Variants in DSCAM observed in about 807,000 individuals in gnomAD.
DSCAM encodes DS cell adhesion molecule.
DSCAM carries 47 observed loss-of-function variants against 217.7 expected under a neutral mutation model. The observed-to-expected ratio is 0.22, with a 90% CI of 0.17 to 0.28. DSCAM has a LOEUF of 0.28. Among genes scored for constraint, DSCAM ranks in the 10% least tolerant of loss-of-function variants. The probability of loss-of-function intolerance (pLI) is 1.00; values close to 1 mark genes in which losing one functional copy is unlikely to be tolerated. For synonymous variants in DSCAM, 1,056 were observed against 1,015.3 expected (o/e 1.04, Z -0.76); for missense variants, 2,080 against 2,618.3 (o/e 0.79, Z 4.49).
At chr21:40,658,786 A>G (rs1236566683) in intron 3 of DSCAM, among the ~76,000 whole-genome samples, 2 of 152,222 alleles carry the variant, frequency 1.3e-5, no homozygotes, top group African/African-American at 2.4e-5. Flanking sequence ...GAAAATGCCA[A>G]TCACAGAAAG....
intron 3 of DSCAM, among the ~76,000 whole-genome samples, chr21:40,485,237 C>CTTTTTTTTT (rs59901955): frequency 1.8e-5 from 2 of 108,188 alleles, no homozygotes; most frequent in Admixed American, 1.1e-4. Flanking sequence ...GACTTTCTTT[C>CTTTTTTTTT]TTTTTTTTTT....
At chr21:40,371,459 CCTT>C (rs1273926107) in intron 3 of DSCAM, among the ~76,000 whole-genome samples, 1 of 151,536 alleles carries the variant, frequency 6.6e-6, no homozygotes, top group African/African-American at 2.4e-5. Flanking sequence ...ATTCCTGTCA[CCTT>C]CTTAGCGTGG....
intron 6 of DSCAM, among the ~76,000 whole-genome samples, chr21:40,344,483 T>C (rs1040374450): frequency 1.3e-5 from 2 of 152,258 alleles, no homozygotes. Context: ...ATATCTTTAT[T>C]TTTCCTTAAT....
At chr21:40,769,007 G>A (rs1339054562) in intron 1 of DSCAM, among the ~76,000 whole-genome samples, 1 of 152,162 alleles carries the variant, frequency 6.6e-6, no homozygotes, top group Non-Finnish European at 1.5e-5. Flanking sequence ...GAAGTAGTAT[G>A]GTGACTAAAA....
chr21:40,222,857 G>A (rs1479921761), intron 11 of DSCAM, among the ~76,000 whole-genome samples: 1 of 152,144 alleles, frequency 6.6e-6, no homozygotes, highest in East Asian at 1.9e-4. Context: ...ATCTTGAGAA[G>A]TGTCCTTCTA....
intron 3 of DSCAM, among the ~76,000 whole-genome samples, chr21:40,554,296 A>T (rs756366454): frequency 6.6e-6 from 1 of 152,118 alleles, no homozygotes; most frequent in Non-Finnish European, 1.5e-5. Context: ...GCTTCTGCTA[A>T]GTCTTACTTA....
At chr21:40,383,014 G>C (rs1021288702) in intron 3 of DSCAM, 5 of 152,180 alleles carry the variant, frequency 3.3e-5, no homozygotes, top group Non-Finnish European at 7.3e-5. Flanking sequence ...ATACGTAAGC[G>C]CTGATGTAAA....
intron 1 of DSCAM, among the ~76,000 whole-genome samples, chr21:40,773,163 C>T (rs1447396380): frequency 6.6e-6 from 1 of 152,236 alleles, no homozygotes; most frequent in Non-Finnish European, 1.5e-5. Flanking sequence ...GTCCCTCGCA[C>T]GAGAACCCCC....
intron 3 of DSCAM, among the ~76,000 whole-genome samples, chr21:40,662,809 T>C (rs2090152627): frequency 2.6e-5 from 4 of 152,092 alleles, no homozygotes. Flanking sequence ...CCTGCGGGCA[T>C]CTTGATCTCA....
chr21:40,466,836 G>T (rs550016331), intron 3 of DSCAM, among the ~76,000 whole-genome samples: 3 of 152,202 alleles, frequency 2.0e-5, no homozygotes, highest in Admixed American at 2.0e-4. Flanking sequence ...GGCTTCTCCC[G>T]GACAAATACA....
chr21:40,737,200 A>G (rs1190649475), intron 1 of DSCAM, among the ~76,000 whole-genome samples: 2 of 152,258 alleles, frequency 1.3e-5, no homozygotes, highest in East Asian at 3.8e-4. Flanking sequence ...GTTATAAAAT[A>G]AAAGGCAGGC....
At chr21:40,836,872 G>A (rs1285403258) in intron 1 of DSCAM, among the ~76,000 whole-genome samples, 1 of 152,186 alleles carries the variant, frequency 6.6e-6, no homozygotes, top group Non-Finnish European at 1.5e-5. Flanking sequence ...AGTCACATGG[G>A]ATTAGAAACA....
chr21:40,403,629 GCACACACACACACA>G lies in DSCAM; in HGVS notation c.509-34398_509-34385del, dbSNP rs3069908. ...CATACATGTATGCAAGCATGCATGT[GCACACACACACACA>G]CACACACACACACACACACAATACA... On this transcript the variant is annotated intron_variant, in intron 3 of 32. Transcript: ENST00000400454. Among the ~76,000 whole-genome samples the G allele has an allele frequency of 5.2e-4, 76 of 145,892 alleles. 1 individual carries two copies. Among genetic ancestry groups the G allele is most frequent in the African/African-American group, 1.8e-3 (70 of 39,158 alleles).
chr21:40,021,171 A>C (rs1403115196), intron 32 of DSCAM, among the ~76,000 whole-genome samples: 1 of 140,760 alleles, frequency 7.1e-6, no homozygotes, highest in Non-Finnish European at 1.5e-5. Context: ...GAAACGTAGC[A>C]CTCTAACCTG....
At chr21:40,147,918 T>C (rs1227299926) in intron 16 of DSCAM, among the ~76,000 whole-genome samples, 1 of 152,186 alleles carries the variant, frequency 6.6e-6, no homozygotes, top group Non-Finnish European at 1.5e-5. Context: ...CTTCACAATA[T>C]AGTTTCTCTG....
intron 3 of DSCAM, among the ~76,000 whole-genome samples, chr21:40,451,303 C>T (rs2075717249): frequency 6.6e-6 from 1 of 152,192 alleles, no homozygotes; most frequent in African/African-American, 2.4e-5. Context: ...TGGCCCAGCT[C>T]CCCATGGCAC....
chr21:40,438,754 T>C (rs1452961407), intron 3 of DSCAM, among the ~76,000 whole-genome samples: 16 of 152,216 alleles, frequency 1.1e-4, no homozygotes, highest in Admixed American at 1.0e-3. Context: ...TGGCACCTTT[T>C]GAAAAACAGC....
intron 3 of DSCAM, among the ~76,000 whole-genome samples, chr21:40,395,943 G>A (rs1287940689): frequency 6.6e-6 from 1 of 152,116 alleles, no homozygotes; most frequent in East Asian, 1.9e-4. Context: ...AGTTCGGAAT[G>A]TCAAATCTGA....
intron 20 of DSCAM, among the ~76,000 whole-genome samples, chr21:40,097,756 G>A (rs932851723): frequency 5.3e-5 from 8 of 151,588 alleles, no homozygotes; most frequent in Non-Finnish European, 8.8e-5. Context: ...CCTAGCCAAC[G>A]TGGTGAAACC....
Sources: allele counts gnomAD v4.1 joint callset (sites outside exome capture counted in the v4.1 genomes callset), GRCh38; gene constraint gnomAD v4.1.1; transcripts MANE v1.5; gene names NCBI Gene and HGNC (gene_info 2026-07-23, HGNC 2026-07-21).